Variants in PLA2R1 observed in about 807,000 individuals in gnomAD.
PLA2R1 encodes the protein secretory phospholipase A2 receptor.
PLA2R1 carries 158 observed loss-of-function variants against 195.9 expected under a neutral mutation model. That is an observed-to-expected ratio of 0.81 (90% CI 0.71 to 0.92). PLA2R1 has a LOEUF of 0.92. Ranked by LOEUF, PLA2R1 falls within the 40% of genes least tolerant of loss-of-function variation. PLA2R1 has a pLI of 0.00. For synonymous variants in PLA2R1, 586 were observed against 598.2 expected (o/e 0.98, Z 0.30); for missense variants, 1,626 against 1,764.6 (o/e 0.92, Z 1.41).
intron 17 of PLA2R1, among the ~76,000 whole-genome samples, chr2:159,975,698 T>C (rs1252091437): frequency 6.6e-6 from 1 of 152,094 alleles, no homozygotes; most frequent in Non-Finnish European, 1.5e-5. Context: ...CAGACGAGAA[T>C]ATAAACTCCA....
chr2:159,990,991 C>T (rs1690742552), intron 11 of PLA2R1, among the ~76,000 whole-genome samples: 1 of 152,010 alleles, frequency 6.6e-6, no homozygotes, highest in African/African-American at 2.4e-5. Flanking sequence ...AATTAGGGCA[C>T]AGAGGCTTAG....
chr2:159,987,115 T>G (rs766585617), intron 12 of PLA2R1, 41 bp downstream of exon 12: 1 of 1,431,512 alleles, frequency 7.0e-7, no homozygotes, highest in South Asian at 1.1e-5. Flanking sequence ...ATTAAAATAG[T>G]GTTGGTCCTG....
intron 13 of PLA2R1, among the ~76,000 whole-genome samples, chr2:159,982,081 T>C (rs1351079601): frequency 1.3e-5 from 2 of 152,172 alleles, no homozygotes; most frequent in African/African-American, 4.8e-5. Context: ...ACAGTGACAT[T>C]TGATCTTAAA....
chr2:160,044,807 C>G lies in PLA2R1; in HGVS notation c.460G>C (p.Gly154Arg). 1 of 1,613,042 alleles carries G rather than the reference C, an allele frequency of 6.2e-7. No individual in the cohort carries two copies. Among genetic ancestry groups the G allele is most frequent in the Non-Finnish European group, 8.5e-7 (1 of 1,179,218 alleles). ...AGATATTCACAAATGTCTCCACCAC[C>G]TGACCCATAAGAAATCCACTTATGA... Reference protein sequence around the residue: ...YIHKWISYGSGGGDICEYLHK... With the variant: ...YIHKWISYGSRGGDICEYLHK... The change falls in exon 2 of 30, where the codon GGT becomes CGT. Residue 154 changes from glycine (G) to arginine (R), a missense_variant. Gly to Arg is a moderately radical substitution (Grantham distance 125, BLOSUM62 -2). Transcript: ENST00000283243.
At chr2:160,017,693 A>G (rs748830269) in intron 8 of PLA2R1, among the ~76,000 whole-genome samples, 2 of 152,240 alleles carry the variant, frequency 1.3e-5, no homozygotes, top group Non-Finnish European at 2.9e-5. Flanking sequence ...CTGCTAACAT[A>G]TTAAAATTTT....
chr2:160,028,591 G>T (rs1238535185), intron 5 of PLA2R1, among the ~76,000 whole-genome samples: 1 of 152,094 alleles, frequency 6.6e-6, no homozygotes, highest in Non-Finnish European at 1.5e-5. Flanking sequence ...GAGATATTTT[G>T]CAATTTGTAG....
rs866971023 is a variant in PLA2R1 at position 159,940,970 on chromosome 2, C to T, written c.*808G>A. 6.6e-6 allele frequency: 1 copy of T among 151,990 alleles called. No individual in the cohort carries two copies. The highest frequency in any genetic ancestry group is 2.4e-5 in the African/African-American group (1 of 41,368). The allele number at this position is 151,990 out of a possible 1,614,324, so 9.4% of individuals were successfully genotyped here. On this transcript the variant is annotated 3_prime_UTR_variant, in exon 30 of 30. Coordinates refer to ENST00000283243, the MANE Select transcript of PLA2R1 (RefSeq NM_007366.5). The stretch of plus-strand genomic sequence containing the variant: ...TATATATTTAGTTTTTCAGAAAGTC[C>T]ATGAGTTTTAACAGTACAACTGTTA...
intron 11 of PLA2R1, among the ~76,000 whole-genome samples, chr2:159,995,810 GA>G (rs1691171634): frequency 6.6e-6 from 1 of 151,962 alleles, no homozygotes; most frequent in South Asian, 2.1e-4. Context: ...AAAATACAGA[GA>G]GTTCCCCTCT....
At chr2:160,010,722 G>A (rs537865782) in intron 10 of PLA2R1, among the ~76,000 whole-genome samples, 1 of 152,200 alleles carries the variant, frequency 6.6e-6, no homozygotes, top group African/African-American at 2.4e-5. Flanking sequence ...AAATTCCAAC[G>A]TGTATGGTGA....
intron 14 of PLA2R1, 151 bp downstream of exon 14, chr2:159,979,679 T>A: frequency 5.5e-6 from 3 of 545,370 alleles, no homozygotes; most frequent in Non-Finnish European, 6.6e-6. Flanking sequence ...CTCAGGACCT[T>A]GCCAAATAAT....
rs1231797441 is a variant in PLA2R1, at chr2:159,936,295, G to A, written c.*5483C>T. The A allele has an allele frequency of 6.6e-6, 1 of 152,086 alleles. No individual in the cohort carries two copies. The highest frequency in any genetic ancestry group is 1.5e-5 in the Non-Finnish European group (1 of 68,024). The allele number at this position is 152,086 out of a possible 1,614,324, so 9.4% of individuals were successfully genotyped here. On this transcript the variant is annotated 3_prime_UTR_variant, in exon 30 of 30. Coordinates refer to ENST00000283243, the MANE Select transcript of PLA2R1 (RefSeq NM_007366.5). ...AAGTCCCTGTGAACATAGGCTCTAA[G>A]TATTACACATTTTCTTCTATATTGA...
Position 159,976,115 on chromosome 2 carries a change from T to C in PLA2R1, c.2548A>G (p.Ile850Val). The change falls in exon 17 of 30, where the codon ATT becomes GTT. Residue 850 changes from isoleucine (I) to valine (V), a missense_variant. Transcript: ENST00000283243. ...AATTCTTGCTCATGTGCAGAATGAA[T>C]TGTGAGAAGATCACTGTGCAGCCAG... ...CSWLHSDLLT[I>V]HSAHEQEFIH... is the part of the protein sequence containing the mutation. 1.9e-6 allele frequency: 3 copies of C among 1,613,184 alleles called. No homozygotes were observed. Among genetic ancestry groups the C allele is most frequent in the Non-Finnish European group, 2.5e-6 (3 of 1,179,340 alleles).
intron 9 of PLA2R1, among the ~76,000 whole-genome samples, chr2:160,014,727 CT>C (rs1289936350): frequency 1.3e-5 from 2 of 152,170 alleles, no homozygotes; most frequent in African/African-American, 4.8e-5. Context: ...ATATCATTAA[CT>C]GAGGTAGGAA....
At chr2:160,005,384 G>A (rs568027417) in intron 11 of PLA2R1, among the ~76,000 whole-genome samples, 6 of 152,246 alleles carry the variant, frequency 3.9e-5, no homozygotes, top group South Asian at 2.1e-4. Flanking sequence ...GCAGTGAACC[G>A]AGATTGCACC....
intron 6 of PLA2R1, 52 bp downstream of exon 6, chr2:160,028,166 T>C: frequency 5.7e-6 from 7 of 1,225,100 alleles, no homozygotes; most frequent in Non-Finnish European, 8.1e-6. Context: ...TTACATATAT[T>C]GAGAGGACAA....
chr2:159,986,589 CTTTT>C (rs113333927), intron 12 of PLA2R1, among the ~76,000 whole-genome samples: 1 of 142,292 alleles, frequency 7.0e-6, no homozygotes. Flanking sequence ...CTTTTCTTTC[CTTTT>C]TTTTTTTTTT....
rs1387247157 is a variant in PLA2R1, at chr2:159,987,069, G to A, written c.2037+87C>T. ...AGGCACTGTTCTGGAAAAAAAAAGG[G>A]CCCCGGAATAAAGGAATTTGGGATA... On this transcript the variant is annotated intron_variant, in intron 12 of 29. Transcript: ENST00000283243. 14 of 1,015,934 alleles carry A rather than the reference G, an allele frequency of 1.4e-5. No individual in the cohort carries two copies. The East Asian group carries it at 2.9e-4, about 21-fold the overall frequency. The allele number at this position is 1,015,934 out of a possible 1,614,324, so 62.9% of individuals were successfully genotyped here.
chr2:160,062,488 C>T lies in PLA2R1; in HGVS notation c.-85G>A, dbSNP rs1559043965. 20 of 1,434,536 alleles carry T rather than the reference C, an allele frequency of 1.4e-5. No homozygotes were observed. Among genetic ancestry groups the T allele is most frequent in the Non-Finnish European group, 1.6e-5 (18 of 1,098,648 alleles). 88.9% of individuals were successfully genotyped at this position (1,434,536 alleles called of 1,614,324 possible). ...CAGAGCCGCGTCCCAAGCACCCGGC[C>T]CCGCCGCGCGGAAGCGGATCCGTAG... On this transcript the variant is annotated 5_prime_UTR_variant, in exon 1 of 30. Coordinates refer to ENST00000283243, the MANE Select transcript of PLA2R1 (RefSeq NM_007366.5).
rs1038565983 is a variant in PLA2R1, at chr2:159,961,549, A to T, written c.2905-4922T>A. 1.8e-4 allele frequency among the ~76,000 whole-genome samples: 27 copies of T among 151,806 alleles called. 1 individual carries two copies. The highest frequency in any genetic ancestry group is 1.7e-3 in the Admixed American group (26 of 15,228). On this transcript the variant is annotated intron_variant, in intron 20 of 29. Coordinates refer to ENST00000283243, the MANE Select transcript of PLA2R1 (RefSeq NM_007366.5). ...CTGATCTAGCTGTTAGTTATCAATAATTTTTTTTTATAACTCTGAGCTACA... is the reference window on the plus strand; with the variant it reads ...CTGATCTAGCTGTTAGTTATCAATATTTTTTTTTTATAACTCTGAGCTACA...
Sources: allele counts gnomAD v4.1 joint callset (sites outside exome capture counted in the v4.1 genomes callset), GRCh38; gene constraint gnomAD v4.1.1; transcripts MANE v1.5; gene names NCBI Gene and HGNC (gene_info 2026-07-23, HGNC 2026-07-21).